FBXW10B: variants seen among roughly 807,000 people sequenced by gnomAD.
FBXW10B encodes F-box and WD repeat domain containing protein 10B.
At chr17:15,594,744 C>T in the FBXW10B span, 1 of 1,613,704 alleles carries the variant, frequency 6.2e-7, no homozygotes, top group African/African-American at 1.3e-5. Flanking sequence ...TCACAGGCAC[C>T]TACTTGGGAT....
the FBXW10B span, chr17:15,607,678 C>T: frequency 1.4e-5 from 22 of 1,612,710 alleles, no homozygotes; most frequent in African/African-American, 2.7e-5. Flanking sequence ...ACAGGTTGTA[C>T]TCATTCTAAC....
At chr17:15,605,153 C>A in the FBXW10B span, 1 of 1,572,488 alleles carries the variant, frequency 6.4e-7, no homozygotes, top group African/African-American at 1.4e-5. Context: ...AAGAAGCATG[C>A]ACACTTCTTC....
At chr17:15,571,549 T>A in the FBXW10B span, 2 of 152,208 alleles carry the variant, frequency 1.3e-5, no homozygotes, top group African/African-American at 4.8e-5. Context: ...GTAGAATACC[T>A]GAAGCTCTCG....
chr17:15,576,001 T>G, the FBXW10B span, among the ~76,000 whole-genome samples: 1 of 152,210 alleles, frequency 6.6e-6, no homozygotes, highest in Non-Finnish European at 1.5e-5. Flanking sequence ...AAGAGATTCT[T>G]AATATTTACC....
At chr17:15,614,119 C>T in the FBXW10B span, 2 of 1,476,414 alleles carry the variant, frequency 1.4e-6, no homozygotes, top group Non-Finnish European at 1.8e-6. Context: ...AAAAGCTCTC[C>T]CACAAAATAA....
chr17:15,566,191 G>C, the FBXW10B span: 3 of 1,612,104 alleles, frequency 1.9e-6, no homozygotes, highest in Non-Finnish European at 2.5e-6. Flanking sequence ...GGGCCTACAG[G>C]GATAGGCAAA....
chr17:15,611,718 A>T, the FBXW10B span, among the ~76,000 whole-genome samples: 3 of 152,104 alleles, frequency 2.0e-5, no homozygotes, highest in Non-Finnish European at 4.4e-5. Flanking sequence ...CTCATCAACT[A>T]TCCTTTTGGG....
the FBXW10B span, among the ~76,000 whole-genome samples, chr17:15,613,368 GCT>G: frequency 7.4e-6 from 1 of 135,858 alleles, no homozygotes; most frequent in East Asian, 2.2e-4. Flanking sequence ...TGTTGGAAAG[GCT>G]CTGTCTCTCT....
the FBXW10B span, among the ~76,000 whole-genome samples, chr17:15,590,472 G>C: frequency 6.8e-6 from 1 of 147,004 alleles, no homozygotes; most frequent in African/African-American, 2.6e-5. Flanking sequence ...AGTGGATGAG[G>C]GAAGGGAGGG....
chr17:15,597,159 T>C, the FBXW10B span, among the ~76,000 whole-genome samples: 1 of 151,868 alleles, frequency 6.6e-6, no homozygotes, highest in African/African-American at 2.4e-5. Context: ...GAAGGTCATC[T>C]ACCCTCACTT....
the FBXW10B span, among the ~76,000 whole-genome samples, chr17:15,602,365 G>C: frequency 1.3e-5 from 2 of 151,932 alleles, no homozygotes; most frequent in Non-Finnish European, 2.9e-5. Flanking sequence ...GTTGCTGTGG[G>C]GGAGAAACTG....
chr17:15,602,109 CTT>C, the FBXW10B span, among the ~76,000 whole-genome samples: 1 of 127,956 alleles, frequency 7.8e-6, no homozygotes, highest in African/African-American at 3.5e-5. Context: ...GAGACTCCGT[CTT>C]AAAAAAAAAA....
chr17:15,598,283 AT>A, the FBXW10B span, among the ~76,000 whole-genome samples: 37 of 143,162 alleles, frequency 2.6e-4, no homozygotes, highest in East Asian at 1.7e-3. Context: ...ATATCCTATT[AT>A]TTTTTTTTTC....
chr17:15,597,257 G>A, the FBXW10B span, among the ~76,000 whole-genome samples: 1 of 147,114 alleles, frequency 6.8e-6, no homozygotes, highest in Non-Finnish European at 1.5e-5. Context: ...CTTCAACACA[G>A]ACTGTGTTAG....
chr17:15,573,873 G>A, the FBXW10B span: 3 of 395,330 alleles, frequency 7.6e-6, no homozygotes, highest in Non-Finnish European at 4.5e-6. Context: ...AAATCAAAGG[G>A]GAAAATGTTT....
At chr17:15,601,269 C>T in the FBXW10B span, among the ~76,000 whole-genome samples, 6 of 148,918 alleles carry the variant, frequency 4.0e-5, no homozygotes, top group Admixed American at 6.7e-5. Flanking sequence ...ATTAGCCAGG[C>T]GTGGTGGTGG....
chr17:15,618,121 A>G, the FBXW10B span, among the ~76,000 whole-genome samples: 1 of 152,204 alleles, frequency 6.6e-6, no homozygotes, highest in African/African-American at 2.4e-5. Flanking sequence ...CGAGGTCAGG[A>G]GTCCGAGACC....
At chr17:15,589,182 C>T in the FBXW10B span, 618 of 1,613,404 alleles carry the variant, frequency 3.8e-4, 1 homozygote, top group Non-Finnish European at 4.9e-4. Context: ...CATTCCATCC[C>T]ACGTTAATTC....
chr17:15,575,218 A>C, the FBXW10B span, among the ~76,000 whole-genome samples: 1 of 148,012 alleles, frequency 6.8e-6, no homozygotes, highest in Non-Finnish European at 1.5e-5. Flanking sequence ...AGAGTCTAAC[A>C]CTTATTTTGG....
Sources: allele counts gnomAD v4.1 joint callset (sites outside exome capture counted in the v4.1 genomes callset), GRCh38; gene constraint gnomAD v4.1.1; transcripts MANE v1.5; gene names NCBI Gene and HGNC (gene_info 2026-07-23, HGNC 2026-07-21).